The following CMSS1 variants were observed in gnomAD, a reference collection of about 807,000 sequenced individuals.
The protein encoded by CMSS1 is protein CMSS1.
In CMSS1, 33 loss-of-function variants were observed where a neutral mutation model predicts 43.5. The observed-to-expected ratio is 0.76, with a 90% CI of 0.57 to 1.01. The LOEUF is 1.01. Ranked by LOEUF, CMSS1 falls within the 50% of genes least tolerant of loss-of-function variation. The pLI, the probability that CMSS1 is intolerant of heterozygous loss-of-function variation, is 0.00. For missense variants in CMSS1, 313 were observed against 326.4 expected (o/e 0.96, Z 0.32); for synonymous variants, 115 against 117.2 (o/e 0.98, Z 0.12).
intron 1 of CMSS1, among the ~76,000 whole-genome samples, chr3:99,937,724 G>T (rs1031393593): frequency 2.0e-5 from 3 of 152,232 alleles, no homozygotes; most frequent in Non-Finnish European, 4.4e-5. Context: ...AGCAGAGCTG[G>T]TTGGCTCTGA....
chr3:99,978,928 C>T (rs1391303511), intron 1 of CMSS1, among the ~76,000 whole-genome samples: 3 of 151,874 alleles, frequency 2.0e-5, no homozygotes, highest in Non-Finnish European at 4.4e-5. Flanking sequence ...ACAGTGATTA[C>T]TGGAGGCTGG....
chr3:100,166,938 G>C (rs533886243), intron 5 of CMSS1, among the ~76,000 whole-genome samples: 1 of 151,862 alleles, frequency 6.6e-6, no homozygotes, highest in Non-Finnish European at 1.5e-5. Context: ...GGTAGAGACA[G>C]GGTCTTTCTA....
intron 1 of CMSS1, chr3:100,109,907 C>CCCA (rs2066460807): frequency 8.4e-6 from 1 of 118,652 alleles, no homozygotes; most frequent in Admixed American, 8.4e-5. Context: ...TTTATGACCC[C>CCCA]CCCCCCCCAG....
chr3:99,943,322 G>A (rs1032497302), intron 1 of CMSS1, among the ~76,000 whole-genome samples: 1 of 152,084 alleles, frequency 6.6e-6, no homozygotes, highest in African/African-American at 2.4e-5. Flanking sequence ...TTCAGAATAA[G>A]CTTCATAAGA....
intron 1 of CMSS1, among the ~76,000 whole-genome samples, chr3:99,985,878 C>T (rs1038659931): frequency 3.9e-5 from 6 of 152,068 alleles, no homozygotes; most frequent in South Asian, 2.1e-4. Flanking sequence ...CGTGAGCCAC[C>T]GCACCGGGCC....
intron 1 of CMSS1, among the ~76,000 whole-genome samples, chr3:99,923,770 A>G (rs1707197897): frequency 6.6e-6 from 1 of 152,208 alleles, no homozygotes; most frequent in Non-Finnish European, 1.5e-5. Flanking sequence ...CTTCAGGCCA[A>G]CAGTATAAAG....
At chr3:99,913,758 G>C (rs1328161361) in intron 1 of CMSS1, among the ~76,000 whole-genome samples, 1 of 152,200 alleles carries the variant, frequency 6.6e-6, no homozygotes, top group Non-Finnish European at 1.5e-5. Flanking sequence ...ATATATGCAA[G>C]ATATAGTGTG....
At chr3:99,996,772 G>A (rs1313069417) in intron 1 of CMSS1, among the ~76,000 whole-genome samples, 2 of 151,996 alleles carry the variant, frequency 1.3e-5, no homozygotes, top group East Asian at 3.9e-4. Context: ...ACTACCATGA[G>A]AACAGTATGG....
At position 100,172,307 on chromosome 3, in the gene CMSS1, T is replaced by G; in HGVS notation, c.580-9T>G. ...TTCCTTTTCTTTCTTCTCTTTCATC[T>G]TGGAACAGGTCCAGGCGCAGGTAAA... On this transcript the variant is annotated splice_polypyrimidine_tract_variant and intron_variant, in intron 7 of 9. Coordinates refer to ENST00000421999, the MANE Select transcript of CMSS1 (RefSeq NM_032359.4). 6.2e-7 allele frequency: 1 copy of G among 1,612,752 alleles called. No homozygotes were observed. Among genetic ancestry groups the G allele is most frequent in the Non-Finnish European group, 8.5e-7 (1 of 1,179,040 alleles).
In CMSS1 at chr3:100,144,263, G is replaced by T. The variant is rs551141911; in HGVS notation, c.65-2710G>T. Reference sequence around the variant, plus strand: ...CATCTCTCTATGTAGCCTTTTTAATGGTTGCTGAAACTATTAGTGTGGATT... The same window carrying T: ...CATCTCTCTATGTAGCCTTTTTAATTGTTGCTGAAACTATTAGTGTGGATT... On this transcript the variant is annotated intron_variant, in intron 1 of 9. Transcript: ENST00000421999. Among the ~76,000 whole-genome samples, 13 of 152,240 alleles carry T rather than the reference G, an allele frequency of 8.5e-5. No individual in the cohort carries two copies. The South Asian group carries it at 2.7e-3, about 32-fold the overall frequency.
At chr3:100,081,536 C>T (rs796327249) in intron 1 of CMSS1, among the ~76,000 whole-genome samples, 17 of 152,126 alleles carry the variant, frequency 1.1e-4, no homozygotes, top group Non-Finnish European at 4.4e-5. Context: ...CAGGGATTAA[C>T]GACTCATGAA....
chr3:100,075,896 G>A (rs992559934), intron 1 of CMSS1, among the ~76,000 whole-genome samples: 1 of 152,122 alleles, frequency 6.6e-6, no homozygotes, highest in Non-Finnish European at 1.5e-5. Context: ...GGGGTATTAG[G>A]ATTCGATTCA....
intron 1 of CMSS1, among the ~76,000 whole-genome samples, chr3:100,047,412 C>G (rs78321452): frequency 4.6e-5 from 7 of 152,144 alleles, no homozygotes; most frequent in Non-Finnish European, 7.4e-5. Flanking sequence ...TTCTGGAAAG[C>G]TTTTATGACT....
chr3:100,172,120 G>A (rs1401435815), intron 7 of CMSS1, 196 bp from the exon 8 acceptor site: 2 of 639,426 alleles, frequency 3.1e-6, no homozygotes, highest in African/African-American at 1.8e-5. Flanking sequence ...AGAACCTGAG[G>A]CTTGACCCTT....
At chr3:100,068,241 A>G (rs2065699803) in intron 1 of CMSS1, among the ~76,000 whole-genome samples, 1 of 152,218 alleles carries the variant, frequency 6.6e-6, no homozygotes. Context: ...TAGGACGTGC[A>G]CTTGCACACT....
intron 1 of CMSS1, among the ~76,000 whole-genome samples, chr3:100,107,340 G>GTACACTTTTTACTTAAA (rs1318294070): frequency 6.6e-6 from 1 of 152,094 alleles, no homozygotes; most frequent in Admixed American, 6.6e-5. Flanking sequence ...AAGTGCATGT[G>GTACACTTTTTACTTAAA]GGTTTTAAGT....
intron 1 of CMSS1, among the ~76,000 whole-genome samples, chr3:99,862,067 A>G (rs747770757): frequency 6.6e-6 from 1 of 152,232 alleles, no homozygotes; most frequent in South Asian, 2.1e-4. Context: ...GTACTAAAAG[A>G]GTAGGTTTTA....
intron 1 of CMSS1, among the ~76,000 whole-genome samples, chr3:100,133,462 T>G (rs944144005): frequency 2.1e-5 from 3 of 141,862 alleles, no homozygotes; most frequent in African/African-American, 6.2e-5. Flanking sequence ...ATTTTTTTGG[T>G]TTTTTTTTAC....
At chr3:99,833,409 C>A in intron 1 of CMSS1, 1 of 648,798 alleles carries the variant, frequency 1.5e-6, no homozygotes. Flanking sequence ...GGCATTGAGT[C>A]ATAATGAGCA....
Sources: allele counts gnomAD v4.1 joint callset (sites outside exome capture counted in the v4.1 genomes callset), GRCh38; gene constraint gnomAD v4.1.1; transcripts MANE v1.5; gene names NCBI Gene and HGNC (gene_info 2026-07-23, HGNC 2026-07-21).